DLGAP1: variants seen among roughly 807,000 people sequenced by gnomAD.
The protein encoded by DLGAP1 is DLG associated protein 1, also known as disks large-associated protein 1.
In DLGAP1, 11 loss-of-function variants were observed where a neutral mutation model predicts 90.8. That is an observed-to-expected ratio of 0.12 (90% CI 0.08 to 0.20). The LOEUF (loss-of-function observed/expected upper bound fraction) is 0.20, where lower values mean the gene tolerates loss of function less well. Among genes scored for constraint, DLGAP1 ranks in the 10% least tolerant of loss-of-function variants. DLGAP1 has a pLI of 1.00. For missense variants in DLGAP1, 1,050 were observed against 1,333.8 expected (o/e 0.79, Z 3.31); for synonymous variants, 558 against 540.7 (o/e 1.03, Z -0.44).
rs1016704666 is a variant in DLGAP1, at chr18:4,144,035, A to C, written c.-159+7145T>G. On this transcript the variant is annotated intron_variant, in intron 2 of 12. Coordinates refer to ENST00000315677, the MANE Select transcript of DLGAP1 (RefSeq NM_004746.4). ...CTCCTCTCCTCAAGCAGAGGGAAGA[A>C]GTCTCTCTTAGGGTGTGAGCTGTGT... Among the ~76,000 whole-genome samples, 6 of 152,184 alleles carry C rather than the reference A, an allele frequency of 3.9e-5. No homozygotes were observed. In the East Asian group the frequency reaches 7.8e-4, roughly 20 times the overall value.
At chr18:3,778,857 A>G (rs2065054276) in intron 5 of DLGAP1, among the ~76,000 whole-genome samples, 1 of 152,178 alleles carries the variant, frequency 6.6e-6, no homozygotes, top group South Asian at 2.1e-4. Context: ...CTGGAGACAT[A>G]GCGTGGCTCA....
At chr18:4,092,499 C>T (rs1169553802) in intron 2 of DLGAP1, among the ~76,000 whole-genome samples, 1 of 152,124 alleles carries the variant, frequency 6.6e-6, no homozygotes, top group Non-Finnish European at 1.5e-5. Flanking sequence ...TGGTAGGAGA[C>T]ATCTAATGGT....
At chr18:4,094,788 C>T (rs541802367) in intron 2 of DLGAP1, among the ~76,000 whole-genome samples, 3 of 151,696 alleles carry the variant, frequency 2.0e-5, no homozygotes, top group Admixed American at 1.3e-4. Flanking sequence ...AGTAGAGATG[C>T]GGTTTCATCA....
At chr18:3,640,357 T>A (rs976468252) in intron 7 of DLGAP1, among the ~76,000 whole-genome samples, 13 of 152,148 alleles carry the variant, frequency 8.5e-5, no homozygotes, top group African/African-American at 3.1e-4. Context: ...GCCAGAATTG[T>A]TTCCAACATG....
In DLGAP1 at chr18:3,745,808, G is replaced by C. The variant is rs534790284; in HGVS notation, c.1173-3296C>G. On this transcript the variant is annotated intron_variant, in intron 5 of 12. Coordinates refer to ENST00000315677, the MANE Select transcript of DLGAP1 (RefSeq NM_004746.4). ...GGGTTCAAGCGATTCTCCTGCTTCA[G>C]CCTCCAGAGCAGCTGGGATTACAGG... Among the ~76,000 whole-genome samples the C allele has an allele frequency of 1.1e-3, 164 of 152,168 alleles. 2 individuals are homozygous for C. Among genetic ancestry groups the C allele is most frequent in the African/African-American group, 3.8e-3 (159 of 41,506 alleles).
intron 1 of DLGAP1, among the ~76,000 whole-genome samples, chr18:4,226,909 T>A (rs139550896): frequency 6.6e-6 from 1 of 151,730 alleles, no homozygotes; most frequent in African/African-American, 2.4e-5. Flanking sequence ...TCAAAAGACA[T>A]AGAGTGACTG....
chr18:4,225,438 C>A (rs1284571776), intron 1 of DLGAP1, among the ~76,000 whole-genome samples: 1 of 151,884 alleles, frequency 6.6e-6, no homozygotes, highest in African/African-American at 2.4e-5. Flanking sequence ...GAAAACATGA[C>A]CTCACCAAAT....
intron 2 of DLGAP1, among the ~76,000 whole-genome samples, chr18:4,126,630 T>C (rs2076237476): frequency 6.6e-6 from 1 of 152,196 alleles, no homozygotes; most frequent in Admixed American, 6.5e-5. Context: ...GAATGCTTTT[T>C]TTCTTGGAAG....
At chr18:4,055,733 C>T (rs1464289099) in intron 2 of DLGAP1, among the ~76,000 whole-genome samples, 2 of 152,150 alleles carry the variant, frequency 1.3e-5, no homozygotes, top group African/African-American at 4.8e-5. Flanking sequence ...GTGAACTGTA[C>T]TAATGCTGCC....
intron 1 of DLGAP1, among the ~76,000 whole-genome samples, chr18:4,323,241 A>G (rs969048460): frequency 6.6e-6 from 1 of 152,216 alleles, no homozygotes; most frequent in Admixed American, 6.5e-5. Context: ...ACAGTGAGAT[A>G]TCACCTTATA....
intron 1 of DLGAP1, among the ~76,000 whole-genome samples, chr18:4,194,189 A>C (rs1199654631): frequency 6.6e-6 from 1 of 152,098 alleles, no homozygotes; most frequent in East Asian, 1.9e-4. Flanking sequence ...CACAGGGACT[A>C]CTGTCGTCAC....
intron 3 of DLGAP1, chr18:3,993,003 T>C (rs2073998770): frequency 6.6e-6 from 1 of 152,094 alleles, no homozygotes; most frequent in South Asian, 2.1e-4. Context: ...GGGATTGGGT[T>C]GTGCACAGGA....
At chr18:3,721,962 A>C (rs1420708953) in intron 7 of DLGAP1, 1 of 152,238 alleles carries the variant, frequency 6.6e-6, no homozygotes, top group African/African-American at 2.4e-5. Flanking sequence ...TCAAATAATA[A>C]GTGCTTAAAG....
chr18:3,761,365 T>C (rs1202957412), intron 5 of DLGAP1, among the ~76,000 whole-genome samples: 1 of 152,196 alleles, frequency 6.6e-6, no homozygotes, highest in Non-Finnish European at 1.5e-5. Flanking sequence ...GACTGTCTTA[T>C]ATTTCTCCTG....
chr18:4,177,140 G>C (rs955338675), intron 1 of DLGAP1, among the ~76,000 whole-genome samples: 19 of 152,054 alleles, frequency 1.2e-4, no homozygotes, highest in Admixed American at 1.2e-3. Context: ...AGGCTCCCTG[G>C]GTTCCTTGCA....
At chr18:4,263,120 G>C (rs896684794) in intron 1 of DLGAP1, among the ~76,000 whole-genome samples, 1 of 152,094 alleles carries the variant, frequency 6.6e-6, no homozygotes, top group Non-Finnish European at 1.5e-5. Flanking sequence ...TTTTAGTAGA[G>C]ATGGGGTTTC....
At chr18:3,867,001 G>T (rs796520356) in intron 4 of DLGAP1, among the ~76,000 whole-genome samples, 16 of 115,430 alleles carry the variant, frequency 1.4e-4, no homozygotes, top group African/African-American at 4.2e-4. Context: ...ACAGGCACAT[G>T]CCACCACACC....
At chr18:4,147,599 A>G (rs891537396) in intron 2 of DLGAP1, among the ~76,000 whole-genome samples, 1 of 151,452 alleles carries the variant, frequency 6.6e-6, no homozygotes, top group African/African-American at 2.4e-5. Context: ...CCATCCATCC[A>G]TCCATCCATC....
intron 5 of DLGAP1, among the ~76,000 whole-genome samples, chr18:3,800,323 G>A (rs2148320667): frequency 6.6e-6 from 1 of 152,280 alleles, no homozygotes; most frequent in African/African-American, 2.4e-5. Flanking sequence ...GATATGTTAT[G>A]AATATCTCTT....
Sources: allele counts gnomAD v4.1 joint callset (sites outside exome capture counted in the v4.1 genomes callset), GRCh38; gene constraint gnomAD v4.1.1; transcripts MANE v1.5; gene names NCBI Gene and HGNC (gene_info 2026-07-23, HGNC 2026-07-21).